Variants in PLA2G4A observed in about 807,000 individuals in gnomAD.
PLA2G4A encodes the protein cytosolic phospholipase A2.
In PLA2G4A, 40 loss-of-function variants were observed where a neutral mutation model predicts 81.9. The observed-to-expected ratio is 0.49, with a 90% CI of 0.38 to 0.64. The LOEUF (loss-of-function observed/expected upper bound fraction) is 0.64, where lower values mean the gene tolerates loss of function less well. PLA2G4A is among the 30% of genes least tolerant of loss of function. The pLI, the probability that PLA2G4A is intolerant of heterozygous loss-of-function variation, is 0.00. For missense variants in PLA2G4A, 715 were observed against 905.1 expected, an observed-to-expected ratio of 0.79 and a Z score of 2.69; for synonymous variants, 302 against 296.9, an observed-to-expected ratio of 1.02 and a Z score of -0.18.
chr1:186,949,972 T>C (rs2102240480), intron 12 of PLA2G4A, among the ~76,000 whole-genome samples: 1 of 152,010 alleles, frequency 6.6e-6, no homozygotes, highest in East Asian at 1.9e-4. Flanking sequence ...GAGGCAGAGG[T>C]TGAAATGAGC....
At position 186,962,327 on chromosome 1, in the gene PLA2G4A, G is replaced by A. The variant is rs73053023; in HGVS notation, c.1580-3082G>A. 5.7e-3 allele frequency among the ~76,000 whole-genome samples: 861 copies of A among 152,064 alleles called. 7 individuals are homozygous for A. The highest frequency in any genetic ancestry group is 0.02 in the African/African-American group (828 of 41,488). ...CACAGTTTCGCACATCCACTGGGGG[G>A]TCTTGTGGCATATCCCCCCAAGTAA... On this transcript the variant is annotated intron_variant, in intron 14 of 17. Transcript: ENST00000367466.
chr1:186,916,562 T>G (rs970173372), intron 7 of PLA2G4A, among the ~76,000 whole-genome samples: 1 of 152,192 alleles, frequency 6.6e-6, no homozygotes, highest in Non-Finnish European at 1.5e-5. Flanking sequence ...GGGCACCCCT[T>G]TTTCTTCTGT....
intron 8 of PLA2G4A, among the ~76,000 whole-genome samples, chr1:186,933,967 T>G (rs1358182804): frequency 6.6e-6 from 1 of 152,124 alleles, no homozygotes; most frequent in Admixed American, 6.6e-5. Context: ...TGAATCAGAT[T>G]TAGTCATGAA....
chr1:186,916,500 G>C (rs550512767), intron 7 of PLA2G4A, among the ~76,000 whole-genome samples: 1 of 152,198 alleles, frequency 6.6e-6, no homozygotes, highest in East Asian at 1.9e-4. Flanking sequence ...CCCCTTCCTA[G>C]CTTATTGCTA....
intron 15 of PLA2G4A, among the ~76,000 whole-genome samples, chr1:186,966,995 TGAGA>T (rs1657155143): frequency 6.6e-6 from 1 of 152,126 alleles, no homozygotes; most frequent in Admixed American, 6.6e-5. Context: ...TGAAATGCTA[TGAGA>T]GAGATGGAGT....
intron 5 of PLA2G4A, among the ~76,000 whole-genome samples, chr1:186,896,288 T>G (rs1281644042): frequency 6.6e-6 from 1 of 152,206 alleles, no homozygotes; most frequent in Admixed American, 6.5e-5. Flanking sequence ...TATTACACCT[T>G]AAGAAAAGAG....
chr1:186,876,324 T>C (rs1225547697), intron 3 of PLA2G4A, among the ~76,000 whole-genome samples: 1 of 152,150 alleles, frequency 6.6e-6, no homozygotes, highest in Non-Finnish European at 1.5e-5. Flanking sequence ...TTTGAAGTCC[T>C]GTGGAAAAAT....
intron 3 of PLA2G4A, among the ~76,000 whole-genome samples, chr1:186,891,944 C>T (rs1654158895): frequency 6.6e-6 from 1 of 152,188 alleles, no homozygotes; most frequent in South Asian, 2.1e-4. Flanking sequence ...CTTTTCTCCA[C>T]ATCCTTGCCA....
chr1:186,910,333 G>T (rs12720562), intron 6 of PLA2G4A, among the ~76,000 whole-genome samples: 2,398 of 152,128 alleles, frequency 0.016, 65 homozygotes, highest in African/African-American at 0.054. Flanking sequence ...GATAATTCTT[G>T]ACTTCTGCTT....
At chr1:186,911,696 T>G (rs1654950109) in intron 7 of PLA2G4A, among the ~76,000 whole-genome samples, 1 of 152,156 alleles carries the variant, frequency 6.6e-6, no homozygotes, top group Non-Finnish European at 1.5e-5. Flanking sequence ...TTCTTCTCCC[T>G]GCACAACCTC....
At chr1:186,940,204 T>C (rs1449330283) in intron 10 of PLA2G4A, 110 bp downstream of exon 10, 2 of 734,164 alleles carry the variant, frequency 2.7e-6, no homozygotes, top group East Asian at 2.6e-5. Flanking sequence ...TTTTAATGTA[T>C]TTTCTGTAAC....
chr1:186,911,225 A>T (rs1328813117), intron 6 of PLA2G4A, 23 bp from the exon 7 acceptor site: 14 of 1,610,940 alleles, frequency 8.7e-6, no homozygotes, highest in Non-Finnish European at 1.2e-5. Context: ...CTGGCTCATG[A>T]CTTTATCTGT....
At chr1:186,852,271 A>C (rs998642833) in intron 1 of PLA2G4A, among the ~76,000 whole-genome samples, 9 of 151,982 alleles carry the variant, frequency 5.9e-5, no homozygotes, top group African/African-American at 2.2e-4. Context: ...GTCATAAAGC[A>C]AGAAAGCAGC....
intron 10 of PLA2G4A, among the ~76,000 whole-genome samples, chr1:186,943,440 A>G (rs554378276): frequency 3.9e-5 from 6 of 152,350 alleles, no homozygotes; most frequent in African/African-American, 1.4e-4. Context: ...AGAAGTACAA[A>G]TATAGTATTT....
chr1:186,844,693 G>A (rs946862306), intron 1 of PLA2G4A, among the ~76,000 whole-genome samples: 4 of 152,148 alleles, frequency 2.6e-5, no homozygotes, highest in African/African-American at 9.7e-5. Context: ...GTTAAATGAC[G>A]AGTTAATGGG....
chr1:186,956,268 T>C lies in PLA2G4A; in HGVS notation c.1503T>C (p.Ser501=), dbSNP rs1342074259. The change falls in exon 14 of 18, where the codon TCT becomes TCC. Residue 501 remains serine (S), a synonymous_variant. Transcript: ENST00000367466. ...TGCTGGGCTTGAATCTCAATACATC[T>C]TATCCACTGTCTCCTTTGAGTGACT... The part of the protein sequence containing the change: ...NFMLGLNLNT[S]YPLSPLSDFA... The C allele has an allele frequency of 6.2e-7, 1 of 1,613,674 alleles. No homozygotes were observed.
At chr1:186,875,971 G>A (rs750222826) in intron 3 of PLA2G4A, among the ~76,000 whole-genome samples, 23 of 152,190 alleles carry the variant, frequency 1.5e-4, no homozygotes, top group African/African-American at 4.6e-4. Flanking sequence ...GATTCCAAAC[G>A]GAATGAAAAA....
intron 13 of PLA2G4A, among the ~76,000 whole-genome samples, chr1:186,952,818 T>C (rs1401294487): frequency 6.6e-6 from 1 of 151,558 alleles, no homozygotes; most frequent in Admixed American, 6.6e-5. Flanking sequence ...ATGTAGCCTT[T>C]TCAGATCTTT....
intron 3 of PLA2G4A, among the ~76,000 whole-genome samples, chr1:186,891,612 C>T (rs139934786): frequency 6.8e-4 from 103 of 152,262 alleles, no homozygotes; most frequent in South Asian, 2.9e-3. Flanking sequence ...CAGTTCCATC[C>T]ATGCAAATGG....
Sources: gnomAD v4.1 joint callset for allele counts (sites outside exome capture counted in the v4.1 genomes callset) on GRCh38, gnomAD v4.1.1 for gene constraint, MANE v1.5 for transcripts, NCBI Gene and HGNC (gene_info 2026-07-23, HGNC 2026-07-21) for gene names.